CCDC7: variants seen among roughly 807,000 people sequenced by gnomAD.
CCDC7 encodes coiled-coil domain containing 7, also known as coiled-coil domain-containing protein 7.
Under a neutral mutation model 196.9 loss-of-function variants are expected in CCDC7, and 183 were observed. The observed-to-expected ratio is 0.93, with a 90% CI of 0.82 to 1.05. CCDC7 has a LOEUF of 1.05. Among genes scored for constraint, CCDC7 ranks in the 50% least tolerant of loss-of-function variants. The pLI, the probability that CCDC7 is intolerant of heterozygous loss-of-function variation, is 0.00. For synonymous variants in CCDC7, 525 were observed against 484.6 expected (o/e 1.08, Z -1.10); for missense variants, 1,540 against 1,482.2 (o/e 1.04, Z -0.64).
intron 29 of CCDC7, among the ~76,000 whole-genome samples, chr10:32,793,445 A>C (rs1379100074): frequency 6.6e-6 from 1 of 152,166 alleles, no homozygotes; most frequent in African/African-American, 2.4e-5. Context: ...ATTTTAATGT[A>C]TATATTAGTC....
chr10:32,704,015 C>G (rs1323638780), intron 24 of CCDC7, among the ~76,000 whole-genome samples: 1 of 152,134 alleles, frequency 6.6e-6, no homozygotes, highest in South Asian at 2.1e-4. Flanking sequence ...TCTCTCAACT[C>G]GTCAAAGTCA....
At chr10:32,832,298 G>T (rs746731058) in intron 32 of CCDC7, among the ~76,000 whole-genome samples, 2 of 152,098 alleles carry the variant, frequency 1.3e-5, no homozygotes, top group Admixed American at 6.6e-5. Context: ...GAGGTCAGTG[G>T]TTCAAGACCA....
At chr10:32,711,838 T>A (rs753962350) in intron 25 of CCDC7, 108 bp downstream of exon 26, 15 of 548,298 alleles carry the variant, frequency 2.7e-5, no homozygotes, top group Non-Finnish European at 3.7e-5. Flanking sequence ...TTATTGATAA[T>A]TTATACTCTG....
At chr10:32,838,603 A>G (rs1440838697) in intron 33 of CCDC7, among the ~76,000 whole-genome samples, 1 of 152,102 alleles carries the variant, frequency 6.6e-6, no homozygotes, top group African/African-American at 2.4e-5. Context: ...TGCTAGAGAT[A>G]TAGACATCCA....
At chr10:32,680,414 A>G (rs1183326197) in intron 21 of CCDC7, among the ~76,000 whole-genome samples, 1 of 148,288 alleles carries the variant, frequency 6.7e-6, no homozygotes, top group East Asian at 1.9e-4. Flanking sequence ...ATAGGGACAC[A>G]CATATGTTCT....
intron 8 of CCDC7, among the ~76,000 whole-genome samples, chr10:32,475,965 A>T (rs1380914024): frequency 6.6e-6 from 1 of 152,202 alleles, no homozygotes; most frequent in South Asian, 2.1e-4. Context: ...CCATTAGTGC[A>T]GTCCCCCCAT....
chr10:32,675,666 A>G (rs2074822403), intron 21 of CCDC7: 1 of 152,344 alleles, frequency 6.6e-6, no homozygotes, highest in Admixed American at 6.5e-5. Flanking sequence ...AACTTTAAGA[A>G]TTCCCTTTAT....
At chr10:32,758,303 A>G (rs998561718) in intron 28 of CCDC7, among the ~76,000 whole-genome samples, 2 of 152,336 alleles carry the variant, frequency 1.3e-5, no homozygotes, top group African/African-American at 2.4e-5. Context: ...ACAAAAAAAG[A>G]GAATTTTAGA....
Position 32,701,105 on chromosome 10 carries a change from G to T in CCDC7, c.2458+6113G>T, listed in dbSNP as rs193065837. Among the ~76,000 whole-genome samples the T allele has an allele frequency of 5.9e-5, 9 of 152,286 alleles. No individual in the cohort carries two copies. The East Asian group carries it at 1.2e-3, about 20-fold the overall frequency. The stretch of plus-strand genomic sequence containing the variant: ...TTCCAACACTATGTTGGATAGGAGT[G>T]GTAAGAGAGGGCATCCCTGTCTTGT... On this transcript the variant is annotated intron_variant, in intron 24 of 41. Transcript: ENST00000639629.
At chr10:32,863,627 G>A (rs569610837) in intron 41 of CCDC7, among the ~76,000 whole-genome samples, 7 of 151,870 alleles carry the variant, frequency 4.6e-5, no homozygotes, top group Non-Finnish European at 1.0e-4. Flanking sequence ...AGGACTCCAG[G>A]ACTCCAGGTG....
At chr10:32,821,667 T>G (rs2090227154) in intron 31 of CCDC7, among the ~76,000 whole-genome samples, 1 of 152,172 alleles carries the variant, frequency 6.6e-6, no homozygotes, top group African/African-American at 2.4e-5. Context: ...TGTAGGGACA[T>G]GGATGAAGCT....
At chr10:32,500,297 G>C (rs933611233) in intron 9 of CCDC7, among the ~76,000 whole-genome samples, 29 of 151,670 alleles carry the variant, frequency 1.9e-4, no homozygotes, top group Non-Finnish European at 3.4e-4. Context: ...AGACGGGGCA[G>C]CTGCTGGGCG....
intron 24 of CCDC7, among the ~76,000 whole-genome samples, chr10:32,696,426 C>T (rs983012391): frequency 5.9e-5 from 9 of 151,796 alleles, no homozygotes; most frequent in Non-Finnish European, 5.9e-5. Flanking sequence ...GATATAGGGC[C>T]TCCATTCCTC....
chr10:32,669,817 G>C (rs921425385), intron 21 of CCDC7, among the ~76,000 whole-genome samples: 1 of 151,650 alleles, frequency 6.6e-6, no homozygotes. Context: ...TGTTGTTGTT[G>C]TTGTCCATAA....
rs548080030 is a variant in CCDC7, at chr10:32,677,132, G to A, written c.2123-8838G>A. 5.4e-3 allele frequency among the ~76,000 whole-genome samples: 786 copies of A among 145,532 alleles called. 5 individuals are homozygous for A. The highest frequency in any genetic ancestry group is 9.1e-3 in the Non-Finnish European group (607 of 67,054). Reference sequence around the variant, plus strand: ...TTGCAAGGACAAAAAACCAAACACCGCATGTTCTCACTCATAGGTGGGAAT... The same window carrying A: ...TTGCAAGGACAAAAAACCAAACACCACATGTTCTCACTCATAGGTGGGAAT... On this transcript the variant is annotated intron_variant, in intron 21 of 41. Coordinates refer to ENST00000639629, the Ensembl canonical transcript of CCDC7.
chr10:32,708,414 A>G lies in CCDC7; in HGVS notation c.2459-3206A>G, dbSNP rs891226074. 5.3e-5 allele frequency among the ~76,000 whole-genome samples: 8 copies of G among 152,248 alleles called. No individual in the cohort carries two copies. The East Asian group carries it at 1.3e-3, about 26-fold the overall frequency. On this transcript the variant is annotated intron_variant, in intron 24 of 41. Coordinates refer to ENST00000639629, the Ensembl canonical transcript of CCDC7. ...ACCTTTCAGATCATAGGCATGGACA[A>G]AAACTTCATGACTAGAACACCAAAA...
At chr10:32,578,186 A>G (rs41392550) in intron 16 of CCDC7, among the ~76,000 whole-genome samples, 20,390 of 152,016 alleles carry the variant, frequency 0.13, 1,625 homozygotes, top group African/African-American at 0.23. Context: ...AAGAATCACC[A>G]GGTGTAAAAT....
chr10:32,507,538 C>T (rs1329373577), intron 9 of CCDC7, among the ~76,000 whole-genome samples: 1 of 152,110 alleles, frequency 6.6e-6, no homozygotes, highest in Non-Finnish European at 1.5e-5. Context: ...GCAGCCTCTG[C>T]CTCCTGGGTT....
At chr10:32,854,570 C>A in intron 41 of CCDC7, 81 bp downstream of exon 42, 1 of 894,916 alleles carries the variant, frequency 1.1e-6, no homozygotes, top group East Asian at 2.8e-5. Context: ...CAACCTCAAA[C>A]CTCTGGGCTT....
Sources: gnomAD v4.1 joint callset for allele counts (sites outside exome capture counted in the v4.1 genomes callset) on GRCh38, gnomAD v4.1.1 for gene constraint, MANE v1.5 for transcripts, NCBI Gene and HGNC (gene_info 2026-07-23, HGNC 2026-07-21) for gene names.